TPD52L1: variants seen among roughly 807,000 people sequenced by gnomAD.
TPD52L1 encodes tumor protein D53.
TPD52L1 carries 18 observed loss-of-function variants against 28.7 expected under a neutral mutation model. The observed-to-expected ratio is 0.63, with a 90% CI of 0.43 to 0.93. The LOEUF (loss-of-function observed/expected upper bound fraction) is 0.93. Among genes scored for constraint, TPD52L1 ranks in the 40% least tolerant of loss-of-function variants. The pLI, the probability that TPD52L1 is intolerant of heterozygous loss-of-function variation, is 0.00. For synonymous variants in TPD52L1, 75 were observed against 88.8 expected, an observed-to-expected ratio of 0.84 and a Z score of 0.88; for missense variants, 203 against 254.8, an observed-to-expected ratio of 0.80 and a Z score of 1.39.
At chr6:125,211,261 GTCTATCTA>G (rs58864276) in intron 1 of TPD52L1, among the ~76,000 whole-genome samples, 16,803 of 148,900 alleles carry the variant, frequency 0.11, 1,447 homozygotes, top group African/African-American at 0.24. Flanking sequence ...ATATGGATCT[GTCTATCTA>G]TCTATCTATC....
chr6:125,242,364 A>G (rs1342009109), intron 3 of TPD52L1, among the ~76,000 whole-genome samples: 1 of 152,112 alleles, frequency 6.6e-6, no homozygotes, highest in African/African-American at 2.4e-5. Flanking sequence ...CATCTTGATG[A>G]CATGTCTAGT....
chr6:125,179,812 T>G lies in TPD52L1; in HGVS notation c.19+25842T>G, dbSNP rs78259932. Among the ~76,000 whole-genome samples the G allele has an allele frequency of 8.1e-3, 1,234 of 152,312 alleles. 17 individuals carry two copies. Among genetic ancestry groups the G allele is most frequent in the African/African-American group, 0.028 (1,148 of 41,558 alleles). On this transcript the variant is annotated intron_variant, in intron 1 of 6. Coordinates refer to ENST00000534000, the MANE Select transcript of TPD52L1 (RefSeq NM_003287.4). ...CCAGGGTTCTCTTTATAGATGGAAA[T>G]GTGAAGAAGGCAGCTCTTACTTAAA...
intron 3 of TPD52L1, among the ~76,000 whole-genome samples, chr6:125,234,568 AAG>A (rs1333479820): frequency 6.6e-6 from 1 of 152,200 alleles, no homozygotes; most frequent in Non-Finnish European, 1.5e-5. Flanking sequence ...TCAATTATGT[AAG>A]TCAGCAATGG....
intron 1 of TPD52L1, among the ~76,000 whole-genome samples, chr6:125,178,656 A>T (rs543468096): frequency 0.097 from 14,397 of 148,210 alleles, 897 homozygotes; most frequent in East Asian, 0.34. Context: ...AAAACAAAAC[A>T]AAATATATAT....
At chr6:125,239,978 C>T (rs1796518805) in intron 3 of TPD52L1, among the ~76,000 whole-genome samples, 1 of 152,080 alleles carries the variant, frequency 6.6e-6, no homozygotes, top group Non-Finnish European at 1.5e-5. Flanking sequence ...TTAAGTCTCA[C>T]ATTCATCTTG....
At chr6:125,172,118 TTC>T (rs1491290383) in intron 1 of TPD52L1, among the ~76,000 whole-genome samples, 3 of 61,500 alleles carry the variant, frequency 4.9e-5, no homozygotes, top group East Asian at 1.5e-3. Flanking sequence ...CTTTCTTTCT[TTC>T]TTTCTTTCTT....
At chr6:125,196,384 A>C (rs1793439225) in intron 1 of TPD52L1, among the ~76,000 whole-genome samples, 1 of 152,222 alleles carries the variant, frequency 6.6e-6, no homozygotes. Flanking sequence ...CTGCTTCATT[A>C]ATGTAAAAGC....
At chr6:125,228,095 G>A (rs915616741) in intron 2 of TPD52L1, among the ~76,000 whole-genome samples, 2 of 152,122 alleles carry the variant, frequency 1.3e-5, no homozygotes, top group African/African-American at 4.8e-5. Flanking sequence ...TATCTGCAAA[G>A]CCAAGCAAAA....
chr6:125,193,086 G>T (rs1341569080), intron 1 of TPD52L1, among the ~76,000 whole-genome samples: 1 of 152,176 alleles, frequency 6.6e-6, no homozygotes, highest in East Asian at 1.9e-4. Context: ...GATGAGGAAA[G>T]TGAAGCATAG....
chr6:125,214,156 C>T (rs1582942360), intron 1 of TPD52L1, among the ~76,000 whole-genome samples: 2 of 152,112 alleles, frequency 1.3e-5, no homozygotes, highest in African/African-American at 4.8e-5. Flanking sequence ...GCTAACCACT[C>T]GCTTCTGCCC....
chr6:125,224,470 C>CCT (rs58505448), intron 2 of TPD52L1, among the ~76,000 whole-genome samples: 8,570 of 143,274 alleles, frequency 0.06, 285 homozygotes, highest in East Asian at 0.13. Context: ...AGGCTCTGGG[C>CCT]CTCTCTCTCT....
At chr6:125,187,738 G>A (rs1562246043) in intron 1 of TPD52L1, among the ~76,000 whole-genome samples, 1 of 152,120 alleles carries the variant, frequency 6.6e-6, no homozygotes. Flanking sequence ...TATATATACT[G>A]TAGTGTGTAT....
At chr6:125,158,738 A>G (rs1172973435) in intron 1 of TPD52L1, among the ~76,000 whole-genome samples, 1 of 152,166 alleles carries the variant, frequency 6.6e-6, no homozygotes, top group Non-Finnish European at 1.5e-5. Context: ...GTCAAACAGC[A>G]GCAGGTCCAG....
At chr6:125,254,619 G>A (rs1183626529) in intron 5 of TPD52L1, among the ~76,000 whole-genome samples, 2 of 152,074 alleles carry the variant, frequency 1.3e-5, no homozygotes, top group African/African-American at 4.8e-5. Flanking sequence ...TTATATTGAT[G>A]TTGTTGTTTG....
Position 125,193,987 on chromosome 6 carries a change from A to C in TPD52L1, c.20-26091A>C, listed in dbSNP as rs115782200. 7.0e-3 allele frequency among the ~76,000 whole-genome samples: 1,063 copies of C among 150,936 alleles called. 17 individuals carry two copies. The highest frequency in any genetic ancestry group is 0.025 in the African/African-American group (1,008 of 41,116). On this transcript the variant is annotated intron_variant, in intron 1 of 6. Transcript: ENST00000534000. ...AGTCTCTTCAATCATAATGATTCAG[A>C]TAAATAGAGAATTTTGTGGAAAAGT... is the stretch of plus-strand genomic sequence containing the variant.
chr6:125,233,501 T>TA (rs1267028758), intron 3 of TPD52L1, among the ~76,000 whole-genome samples: 1 of 152,226 alleles, frequency 6.6e-6, no homozygotes, highest in Non-Finnish European at 1.5e-5. Context: ...TCATTCTTTT[T>TA]ACCTTCAGGC....
intron 3 of TPD52L1, among the ~76,000 whole-genome samples, chr6:125,233,827 T>G (rs556981060): frequency 1.7e-4 from 26 of 152,354 alleles, no homozygotes; most frequent in African/African-American, 6.0e-4. Flanking sequence ...TCCTTTTGAT[T>G]ATTAACACCA....
At chr6:125,252,343 G>GAA in intron 4 of TPD52L1, 1 of 311,332 alleles carries the variant, frequency 3.2e-6, no homozygotes, top group Non-Finnish European at 5.8e-6. Flanking sequence ...AAAAGAAGAA[G>GAA]AAAAAAAAAC....
chr6:125,157,961 C>G (rs1046293712), intron 1 of TPD52L1, among the ~76,000 whole-genome samples: 1 of 152,056 alleles, frequency 6.6e-6, no homozygotes, highest in Non-Finnish European at 1.5e-5. Flanking sequence ...AGAAAGAAAT[C>G]GTCTTTCCCT....
Sources: gnomAD v4.1 joint callset for allele counts (sites outside exome capture counted in the v4.1 genomes callset) on GRCh38, gnomAD v4.1.1 for gene constraint, MANE v1.5 for transcripts, NCBI Gene and HGNC (gene_info 2026-07-23, HGNC 2026-07-21) for gene names.